Variants in DLGAP2 observed in about 807,000 individuals in gnomAD.
The protein encoded by DLGAP2 is disks large-associated protein 2.
Under a neutral mutation model 100.3 loss-of-function variants are expected in DLGAP2, and 26 were observed. The ratio of observed to expected loss-of-function variants is 0.26; its 90% CI spans 0.19 to 0.36. The LOEUF is 0.36. Among genes scored for constraint, DLGAP2 ranks in the 10% least tolerant of loss-of-function variants. The pLI is 1.00. For synonymous variants in DLGAP2, 886 were observed against 630.1 expected (o/e 1.41, Z -6.08); for missense variants, 1,858 against 1,453.2 (o/e 1.28, Z -4.53).
At chr8:1,372,116 G>C (rs952798319) in intron 3 of DLGAP2, among the ~76,000 whole-genome samples, 7 of 152,162 alleles carry the variant, frequency 4.6e-5, no homozygotes, top group Non-Finnish European at 8.8e-5. Flanking sequence ...TCTGGGACCT[G>C]GGCCCTCACC....
At chr8:1,172,520 C>A (rs1032849670) in intron 2 of DLGAP2, among the ~76,000 whole-genome samples, 2 of 152,336 alleles carry the variant, frequency 1.3e-5, no homozygotes, top group East Asian at 3.9e-4. Context: ...TTCAGGTGCA[C>A]CAATCAGACG....
At chr8:829,553 A>G in intron 1 of DLGAP2, among the ~76,000 whole-genome samples, 1 of 152,364 alleles carries the variant, frequency 6.6e-6, no homozygotes, top group East Asian at 1.9e-4. Context: ...GGTAAAAAGG[A>G]CCTTCAATCT....
chr8:1,479,659 C>G (rs1377693291), intron 3 of DLGAP2, among the ~76,000 whole-genome samples: 1 of 152,080 alleles, frequency 6.6e-6, no homozygotes, highest in Non-Finnish European at 1.5e-5. Context: ...ATTTCTGTGT[C>G]CTTTATCATT....
At chr8:882,379 GAT>G (rs1797823858) in intron 1 of DLGAP2, among the ~76,000 whole-genome samples, 1 of 148,462 alleles carries the variant, frequency 6.7e-6, no homozygotes, top group African/African-American at 2.5e-5. Flanking sequence ...ACCCTCGCCT[GAT>G]CCAGCGGTAC....
intron 6 of DLGAP2, among the ~76,000 whole-genome samples, chr8:1,602,967 C>G (rs758309097): frequency 6.6e-6 from 1 of 152,240 alleles, no homozygotes; most frequent in Non-Finnish European, 1.5e-5. Context: ...AAGGCTGGCT[C>G]TCAGTTCTGC....
Position 913,968 on chromosome 8 carries a change from G to A in DLGAP2, c.73+6002G>A, listed in dbSNP as rs904019601. Among the ~76,000 whole-genome samples the A allele has an allele frequency of 3.3e-5, 5 of 152,168 alleles. 1 individual carries two copies. The highest frequency in any genetic ancestry group is 1.2e-4 in the African/African-American group (5 of 41,436). On this transcript the variant is annotated intron_variant, in intron 2 of 14. Transcript: ENST00000637795. ...AGACGGGTTTGCTGCCACAATAAGTGGGAAATCTCCACGTGTGGATTGGTT... is the reference window on the plus strand; with the variant it reads ...AGACGGGTTTGCTGCCACAATAAGTAGGAAATCTCCACGTGTGGATTGGTT...
At chr8:1,104,511 G>A (rs182029119) in intron 2 of DLGAP2, among the ~76,000 whole-genome samples, 1 of 152,354 alleles carries the variant, frequency 6.6e-6, no homozygotes, top group East Asian at 1.9e-4. Flanking sequence ...AGCATCTTCA[G>A]AGGGACTTGA....
At chr8:926,593 C>G (rs897237446) in intron 2 of DLGAP2, among the ~76,000 whole-genome samples, 1 of 152,360 alleles carries the variant, frequency 6.6e-6, no homozygotes, top group Middle Eastern at 3.4e-3. Context: ...GGGAGGAGAG[C>G]GGCAGGTTTC....
At chr8:987,912 G>A (rs1456844812) in intron 2 of DLGAP2, among the ~76,000 whole-genome samples, 1 of 152,004 alleles carries the variant, frequency 6.6e-6, no homozygotes, top group Non-Finnish European at 1.5e-5. Context: ...TTACATATGT[G>A]GTCAGCAATA....
At chr8:1,167,608 T>C (rs1013797025) in intron 2 of DLGAP2, among the ~76,000 whole-genome samples, 13 of 152,234 alleles carry the variant, frequency 8.5e-5, no homozygotes, top group Non-Finnish European at 1.9e-4. Flanking sequence ...CTTAAAATTA[T>C]ATTGCACATA....
intron 2 of DLGAP2, among the ~76,000 whole-genome samples, chr8:947,682 C>T (rs935833516): frequency 2.6e-5 from 4 of 152,204 alleles, no homozygotes; most frequent in African/African-American, 9.6e-5. Flanking sequence ...TGTCCTGGCC[C>T]TCCCTGCCCA....
intron 3 of DLGAP2, among the ~76,000 whole-genome samples, chr8:1,436,991 G>C (rs989641742): frequency 6.6e-6 from 1 of 151,858 alleles, no homozygotes; most frequent in Admixed American, 6.6e-5. Context: ...TATGCCGTTC[G>C]GCCCAGGCGT....
At chr8:1,604,913 T>A (rs1244718271) in intron 6 of DLGAP2, among the ~76,000 whole-genome samples, 1 of 152,220 alleles carries the variant, frequency 6.6e-6, no homozygotes, top group Non-Finnish European at 1.5e-5. Context: ...TCGCTGAGCT[T>A]AGCATCTACC....
At chr8:941,145 G>A (rs1799187045) in intron 2 of DLGAP2, among the ~76,000 whole-genome samples, 1 of 152,180 alleles carries the variant, frequency 6.6e-6, no homozygotes, top group Non-Finnish European at 1.5e-5. Flanking sequence ...GTCGTGGGAT[G>A]CTGCTGTCCC....
intron 2 of DLGAP2, among the ~76,000 whole-genome samples, chr8:968,501 C>A (rs1211158585): frequency 2.6e-5 from 4 of 152,188 alleles, no homozygotes; most frequent in Non-Finnish European, 4.4e-5. Context: ...TTCACTCGTG[C>A]ACTTCTACTA....
At chr8:1,166,590 ATTTCTCCAATTATTTTATCC>A (rs1295332330) in intron 2 of DLGAP2, among the ~76,000 whole-genome samples, 1 of 152,052 alleles carries the variant, frequency 6.6e-6, no homozygotes, top group African/African-American at 2.4e-5. Context: ...AATGGTGTTT[ATTTCTCCAATTATTTTATCC>A]TTTCTAAGAA....
At chr8:1,255,719 T>A (rs1303042246) in intron 2 of DLGAP2, among the ~76,000 whole-genome samples, 1 of 142,238 alleles carries the variant, frequency 7.0e-6, no homozygotes, top group Non-Finnish European at 1.5e-5. Flanking sequence ...GAGCTGTGTG[T>A]GTGTCCTCTC....
chr8:904,775 C>T lies in DLGAP2; in HGVS notation c.19-3137C>T, dbSNP rs192891926. On this transcript the variant is annotated intron_variant, in intron 1 of 14. Transcript: ENST00000637795. ...CAGCACCCGTGGCAGGCAGAACTCA[C>T]GCCTCCTGATCTTTCTCAGCTGCTA... Among the ~76,000 whole-genome samples the T allele has an allele frequency of 5.0e-3, 758 of 152,316 alleles. 3 individuals are homozygous for T. The highest frequency in any genetic ancestry group is 7.1e-3 in the Non-Finnish European group (480 of 68,028).
rs201455711 is a variant in DLGAP2, at chr8:1,140,048, CT to C, written c.74-118796del. ...ATAACATTTCAAATTTTAAATGGTG[CT>C]TTTTTTCTATGTAAGCATCATAACA... On this transcript the variant is annotated intron_variant, in intron 2 of 14. Coordinates refer to ENST00000637795, the MANE Select transcript of DLGAP2 (RefSeq NM_001346810.2). Among the ~76,000 whole-genome samples the C allele has an allele frequency of 2.0e-3, 300 of 152,274 alleles. 4 individuals carry two copies. Among genetic ancestry groups the C allele is most frequent in the Admixed American group, 0.012 (181 of 15,302 alleles).
Sources: gnomAD v4.1 joint callset for allele counts (sites outside exome capture counted in the v4.1 genomes callset) on GRCh38, gnomAD v4.1.1 for gene constraint, MANE v1.5 for transcripts, NCBI Gene and HGNC (gene_info 2026-07-23, HGNC 2026-07-21) for gene names.